The following HERC3 variants were observed in gnomAD, a reference collection of about 807,000 sequenced individuals.
The protein encoded by HERC3 is HECT and RLD domain containing E3 ubiquitin protein ligase 3.
In HERC3, 58 loss-of-function variants were observed where a neutral mutation model predicts 129.9. The ratio of observed to expected loss-of-function variants is 0.45; its 90% CI spans 0.36 to 0.56. The LOEUF (loss-of-function observed/expected upper bound fraction) is 0.56, where lower values mean the gene tolerates loss of function less well. HERC3 is among the 20% of genes least tolerant of loss of function. The probability of loss-of-function intolerance (pLI) is 0.00; values close to 1 mark genes in which losing one functional copy is unlikely to be tolerated. For synonymous variants in HERC3, 430 were observed against 451.0 expected (o/e 0.95, Z 0.59); for missense variants, 835 against 1,244.2 (o/e 0.67, Z 4.95).
intron 20 of HERC3, among the ~76,000 whole-genome samples, chr4:88,680,507 A>G (rs1254682724): frequency 1.3e-5 from 2 of 152,238 alleles, no homozygotes; most frequent in African/African-American, 2.4e-5. Flanking sequence ...GGAAACTGTG[A>G]TAAATTGGTT....
intron 3 of HERC3, among the ~76,000 whole-genome samples, chr4:88,626,443 C>G: frequency 6.6e-6 from 1 of 151,922 alleles, no homozygotes; most frequent in Admixed American, 6.6e-5. Context: ...CTAGAGCTTT[C>G]TTTGTGGGGA....
the HERC3 span, among the ~76,000 whole-genome samples, chr4:88,566,808 G>C: frequency 6.6e-6 from 1 of 152,116 alleles, no homozygotes; most frequent in African/African-American, 2.4e-5. Flanking sequence ...TTATTTACTT[G>C]AGACAGGGTC....
upstream of HERC3, among the ~76,000 whole-genome samples, chr4:88,591,844 C>T (rs1261967423): frequency 6.6e-6 from 1 of 152,076 alleles, no homozygotes; most frequent in Non-Finnish European, 1.5e-5. Context: ...TTGCTATGCT[C>T]CCCCCGGGTC....
At chr4:88,662,871 C>T (rs1318715867) in intron 11 of HERC3, among the ~76,000 whole-genome samples, 1 of 152,022 alleles carries the variant, frequency 6.6e-6, no homozygotes, top group Non-Finnish European at 1.5e-5. Context: ...ATGGTTAACT[C>T]CCATGGGTTT....
chr4:88,630,036 C>T (rs528946613), intron 3 of HERC3, among the ~76,000 whole-genome samples: 9 of 152,136 alleles, frequency 5.9e-5, no homozygotes, highest in Admixed American at 5.2e-4. Context: ...CAGAATAGTA[C>T]CAGTGAATAA....
chr4:88,651,979 T>A, intron 4 of HERC3, 33 bp from the exon 5 acceptor site: 1 of 1,358,418 alleles, frequency 7.4e-7, no homozygotes, highest in East Asian at 2.3e-5. Flanking sequence ...TGTGTGAATA[T>A]CTATCTGAAA....
chr4:88,560,464 TC>T, the HERC3 span, among the ~76,000 whole-genome samples: 1 of 151,876 alleles, frequency 6.6e-6, no homozygotes, highest in Non-Finnish European at 1.5e-5. Context: ...TTGTATAGGT[TC>T]TTTATAAATG....
intron 3 of HERC3, among the ~76,000 whole-genome samples, chr4:88,615,248 A>T (rs943582647): frequency 6.6e-6 from 1 of 152,146 alleles, no homozygotes; most frequent in Non-Finnish European, 1.5e-5. Flanking sequence ...TATGATCTTT[A>T]TAGATCTGGG....
At chr4:88,531,691 A>C in the HERC3 span, among the ~76,000 whole-genome samples, 77 of 152,304 alleles carry the variant, frequency 5.1e-4, no homozygotes, top group Non-Finnish European at 4.4e-5. Flanking sequence ...GGTTCTGGCT[A>C]TGAAATAGAC....
At chr4:88,690,367 G>A in intron 23 of HERC3, 1 of 985,382 alleles carries the variant, frequency 1.0e-6, no homozygotes, top group Non-Finnish European at 1.2e-6. Flanking sequence ...TGGTTTTGGG[G>A]ATTGCTTTAT....
chr4:88,634,245 G>A (rs1206203530), intron 3 of HERC3, among the ~76,000 whole-genome samples: 1 of 152,194 alleles, frequency 6.6e-6, no homozygotes, highest in Non-Finnish European at 1.5e-5. Flanking sequence ...TCCCACTCGT[G>A]AGCCCATGCT....
chr4:88,697,888 G>A (rs944777004), intron 23 of HERC3: 2 of 1,253,944 alleles, frequency 1.6e-6, no homozygotes, highest in Non-Finnish European at 1.1e-6. Context: ...CCGCGGCCCC[G>A]CCTCCTGCTT....
At chr4:88,704,324 C>T (rs116237305) in intron 24 of HERC3, 43 bp downstream of exon 24, 1 of 1,586,802 alleles carries the variant, frequency 6.3e-7, no homozygotes, top group Admixed American at 1.7e-5. Flanking sequence ...TCCGGCGAAG[C>T]AGCAGCAGCC....
At chr4:88,653,187 T>C in intron 6 of HERC3, 97 bp downstream of exon 6, 2 of 1,185,480 alleles carry the variant, frequency 1.7e-6, no homozygotes, top group Non-Finnish European at 2.4e-6. Flanking sequence ...CCATGTGAGA[T>C]ACTAAGGGAG....
At chr4:88,691,912 G>GT (rs966716474) in intron 23 of HERC3, among the ~76,000 whole-genome samples, 3 of 152,228 alleles carry the variant, frequency 2.0e-5, no homozygotes, top group African/African-American at 7.2e-5. Flanking sequence ...CATTGAGGCT[G>GT]TTTTTGTTAA....
At chr4:88,635,063 A>G (rs1356786584) in intron 3 of HERC3, among the ~76,000 whole-genome samples, 1 of 152,174 alleles carries the variant, frequency 6.6e-6, no homozygotes, top group African/African-American at 2.4e-5. Context: ...CAATGAAAAA[A>G]ACGCTGAAAA....
At chr4:88,580,791 T>C in the HERC3 span, among the ~76,000 whole-genome samples, 3 of 152,170 alleles carry the variant, frequency 2.0e-5, no homozygotes, top group Non-Finnish European at 4.4e-5. Context: ...CCTTATTGCA[T>C]TTGGGTATGA....
At chr4:88,665,189 G>A (rs1730916631) in intron 12 of HERC3, among the ~76,000 whole-genome samples, 1 of 152,210 alleles carries the variant, frequency 6.6e-6, no homozygotes, top group African/African-American at 2.4e-5. Context: ...GAGGAAGAGA[G>A]GGGATTTACT....
intron 3 of HERC3, among the ~76,000 whole-genome samples, chr4:88,642,717 T>A (rs981446769): frequency 6.6e-6 from 1 of 152,184 alleles, no homozygotes; most frequent in Admixed American, 6.5e-5. Flanking sequence ...ATGAGGGCTT[T>A]GCCCTCATGA....
Sources: allele counts gnomAD v4.1 joint callset (sites outside exome capture counted in the v4.1 genomes callset), GRCh38; gene constraint gnomAD v4.1.1; transcripts MANE v1.5; gene names NCBI Gene and HGNC (gene_info 2026-07-23, HGNC 2026-07-21).